NRXN3: variants seen among roughly 807,000 people sequenced by gnomAD.
NRXN3 encodes the protein neurexin III.
A neutral mutation model predicts 137.6 loss-of-function variants in NRXN3; 32 were observed. That is an observed-to-expected ratio of 0.23 (90% CI 0.18 to 0.31). The LOEUF is 0.31. Among genes scored for constraint, NRXN3 ranks in the 10% least tolerant of loss-of-function variants. The pLI is 1.00. For missense variants in NRXN3, 1,574 were observed against 2,062.5 expected, an observed-to-expected ratio of 0.76 and a Z score of 4.59; for synonymous variants, 798 against 784.5, an observed-to-expected ratio of 1.02 and a Z score of -0.29.
intron 4 of NRXN3, among the ~76,000 whole-genome samples, chr14:78,507,434 C>A (rs1407402415): frequency 6.6e-6 from 1 of 152,182 alleles, no homozygotes; most frequent in Non-Finnish European, 1.5e-5. Context: ...ATGGTCACTG[C>A]CCCGGGGCCA....
chr14:79,050,599 A>T (rs1196496481), intron 15 of NRXN3, among the ~76,000 whole-genome samples: 1 of 152,222 alleles, frequency 6.6e-6, no homozygotes, highest in Non-Finnish European at 1.5e-5. Flanking sequence ...AGCCATAAGG[A>T]TGTCTGCACA....
chr14:79,683,535 G>A (rs1377321566), intron 17 of NRXN3, among the ~76,000 whole-genome samples: 1 of 152,110 alleles, frequency 6.6e-6, no homozygotes, highest in African/African-American at 2.4e-5. Context: ...AAGCTTTCTG[G>A]TTACACTGTA....
At chr14:78,410,050 G>C (rs1282078630) in intron 4 of NRXN3, among the ~76,000 whole-genome samples, 1 of 152,154 alleles carries the variant, frequency 6.6e-6, no homozygotes, top group Non-Finnish European at 1.5e-5. Flanking sequence ...CTTAGCTTCT[G>C]TCTAGGGGGA....
At chr14:79,070,204 C>T (rs1056973816) in intron 15 of NRXN3, among the ~76,000 whole-genome samples, 2 of 152,080 alleles carry the variant, frequency 1.3e-5, no homozygotes, top group African/African-American at 2.4e-5. Flanking sequence ...TGTCAGTTTC[C>T]GTAATGCCCT....
intron 16 of NRXN3, among the ~76,000 whole-genome samples, chr14:79,545,400 C>A (rs536071586): frequency 1.1e-3 from 165 of 152,158 alleles, no homozygotes; most frequent in Middle Eastern, 3.4e-3. Flanking sequence ...TAAAAATGAA[C>A]AATGTTAGGC....
In NRXN3 at chr14:78,778,756, TTCTCTTTCTTTC is replaced by T. The variant is rs1415625156; in HGVS notation, c.2045-24862_2045-24851del. Among the ~76,000 whole-genome samples, 313 of 116,770 alleles carry T rather than the reference TTCTCTTTCTTTC, an allele frequency of 2.7e-3. 1 individual carries two copies. Among genetic ancestry groups the T allele is most frequent in the African/African-American group, 0.01 (295 of 28,856 alleles). The allele number at this position is 116,770 out of a possible 152,430, so 76.6% of individuals were successfully genotyped here. ...TCTCTCTCTTTCTTTCTTTCCTTCT[TTCTCTTTCTTTC>T]TTTCTTTCTTTCTTTCTTTCTTTCT... On this transcript the variant is annotated intron_variant, in intron 8 of 20. Transcript: ENST00000335750.
chr14:79,752,391 C>T (rs1322286056), intron 19 of NRXN3, among the ~76,000 whole-genome samples: 1 of 151,998 alleles, frequency 6.6e-6, no homozygotes, highest in African/African-American at 2.4e-5. Context: ...TGGAACAGAA[C>T]AGAGCCCTCA....
chr14:78,500,359 C>T (rs900388242), intron 4 of NRXN3, among the ~76,000 whole-genome samples: 2 of 152,048 alleles, frequency 1.3e-5, no homozygotes, highest in African/African-American at 4.8e-5. Context: ...GGGCAGTAGC[C>T]TCTAATAAAG....
chr14:79,022,281 G>C (rs1260621690), intron 15 of NRXN3, among the ~76,000 whole-genome samples: 1 of 152,176 alleles, frequency 6.6e-6, no homozygotes, highest in Non-Finnish European at 1.5e-5. Flanking sequence ...ATAGGAGCTA[G>C]AGAACATGAG....
At chr14:79,018,245 A>G (rs2099582676) in intron 15 of NRXN3, among the ~76,000 whole-genome samples, 1 of 130,342 alleles carries the variant, frequency 7.7e-6, no homozygotes, top group Admixed American at 8.1e-5. Context: ...GGGTGACAAG[A>G]GCAAAACTCT....
intron 19 of NRXN3, 81 bp from the exon 20 acceptor site, chr14:79,805,031 A>T: frequency 1.1e-6 from 1 of 935,736 alleles, no homozygotes; most frequent in South Asian, 1.4e-5. Context: ...TAAATCTTTG[A>T]TGTCTTTGTT....
At chr14:78,195,302 C>T (rs139806510) in intron 1 of NRXN3, among the ~76,000 whole-genome samples, 3 of 152,152 alleles carry the variant, frequency 2.0e-5, no homozygotes, top group East Asian at 3.9e-4. Context: ...TTTAATTGCT[C>T]GATTGTTGGT....
At chr14:79,839,974 T>A (rs2099352464) in intron 20 of NRXN3, among the ~76,000 whole-genome samples, 1 of 146,032 alleles carries the variant, frequency 6.8e-6, no homozygotes, top group Non-Finnish European at 1.5e-5. Context: ...GAAGCATGTA[T>A]GTATGTATGT....
At chr14:79,631,840 C>T (rs191991) in intron 16 of NRXN3, among the ~76,000 whole-genome samples, 1 of 151,510 alleles carries the variant, frequency 6.6e-6, no homozygotes, top group Non-Finnish European at 1.5e-5. Context: ...GACTTGGAGA[C>T]CTTTTCTGTC....
intron 15 of NRXN3, among the ~76,000 whole-genome samples, chr14:79,143,619 T>C (rs1396449431): frequency 5.3e-5 from 8 of 152,228 alleles, no homozygotes; most frequent in Admixed American, 4.6e-4. Context: ...CTTTTGTCTA[T>C]ACTGCAGAAT....
At chr14:78,522,423 A>G (rs11849565) in intron 4 of NRXN3, among the ~76,000 whole-genome samples, 36,319 of 152,082 alleles carry the variant, frequency 0.24, 4,527 homozygotes, top group Middle Eastern at 0.31. Flanking sequence ...TTTTTATTCA[A>G]GATAGGAGAG....
At chr14:79,371,216 T>G (rs193127164) in intron 15 of NRXN3, among the ~76,000 whole-genome samples, 33 of 152,302 alleles carry the variant, frequency 2.2e-4, no homozygotes, top group African/African-American at 7.9e-4. Context: ...TGTCCACATT[T>G]TTTTTCTACC....
At chr14:79,018,152 C>T (rs746298188) in intron 15 of NRXN3, among the ~76,000 whole-genome samples, 9 of 150,248 alleles carry the variant, frequency 6.0e-5, no homozygotes, top group Admixed American at 6.6e-5. Context: ...CCCAGCTACT[C>T]GGGAGGCTGA....
At chr14:79,361,362 C>A (rs1031732016) in intron 15 of NRXN3, among the ~76,000 whole-genome samples, 2 of 152,134 alleles carry the variant, frequency 1.3e-5, no homozygotes, top group Non-Finnish European at 2.9e-5. Flanking sequence ...CAGCTGAATA[C>A]ATTGCTTGTT....
Sources: gnomAD v4.1 joint callset for allele counts (sites outside exome capture counted in the v4.1 genomes callset) on GRCh38, gnomAD v4.1.1 for gene constraint, MANE v1.5 for transcripts, NCBI Gene and HGNC (gene_info 2026-07-23, HGNC 2026-07-21) for gene names.